Variants in PAQR3 observed in about 807,000 individuals in gnomAD.
The protein encoded by PAQR3 is progestin and adipoQ receptor family member 3.
PAQR3 carries 39 observed loss-of-function variants against 41.7 expected under a neutral mutation model. The ratio of observed to expected loss-of-function variants is 0.93; its 90% CI spans 0.72 to 1.22. The LOEUF (loss-of-function observed/expected upper bound fraction) is 1.22. PAQR3 is among the 50% of genes most tolerant of loss of function. The pLI is 0.00. For missense variants in PAQR3, 366 were observed against 385.6 expected (o/e 0.95, Z 0.42); for synonymous variants, 140 against 140.6 (o/e 1.00, Z 0.03).
At chr4:78,927,829 T>G (rs888010218) in intron 3 of PAQR3, among the ~76,000 whole-genome samples, 1 of 152,228 alleles carries the variant, frequency 6.6e-6, no homozygotes, top group African/African-American at 2.4e-5. Context: ...AGGACTTCTT[T>G]GGGGCTATTA....
At chr4:78,929,714 T>C (rs982227679) in intron 3 of PAQR3, among the ~76,000 whole-genome samples, 2 of 152,190 alleles carry the variant, frequency 1.3e-5, no homozygotes, top group Non-Finnish European at 2.9e-5. Flanking sequence ...CAGAAGAATA[T>C]GGGCTAATAA....
rs1734648590 is a variant in PAQR3, at chr4:78,911,951, G to C, written c.*8588C>G. On this transcript the variant is annotated 3_prime_UTR_variant, in exon 6 of 6. Transcript: ENST00000512733. Reference sequence around the variant, plus strand: ...CCCTTTACAGAACTTGTGGTGCAAAGCATCACTCCACATCAGTCCCAACAG... The same window carrying C: ...CCCTTTACAGAACTTGTGGTGCAAACCATCACTCCACATCAGTCCCAACAG... 5.6e-6 allele frequency: 9 copies of C among 1,613,878 alleles called. No homozygotes were observed. Among genetic ancestry groups the C allele is most frequent in the African/African-American group, 1.3e-5 (1 of 74,920 alleles).
rs769720556 is a variant in PAQR3, at chr4:78,935,269, GATAAA to G, written c.195_199del (p.Leu66Ter). The G allele has an allele frequency of 1.2e-6, 2 of 1,608,652 alleles. No homozygotes were observed. The highest frequency in any genetic ancestry group is 1.7e-6 in the Non-Finnish European group (2 of 1,178,620). On this transcript the variant is annotated frameshift_variant, in exon 2 of 6. Transcript: ENST00000512733. LOFTEE classifies it high-confidence loss of function. ...ACTCCAGATGTTTACTGTCTCATTA[GATAAA>G]ATAAACAAACTGGAAAATAAACACA...
rs151205130 is a variant in PAQR3, at chr4:78,914,644, T to C, written c.*5895A>G. 157 of 151,784 alleles carry C rather than the reference T, an allele frequency of 1.0e-3. 1 individual carries two copies. Among genetic ancestry groups the C allele is most frequent in the African/African-American group, 3.7e-3 (154 of 41,418 alleles). 9.4% of individuals were successfully genotyped at this position (151,784 alleles called of 1,614,324 possible). A position where few individuals can be genotyped will look rare whatever the true frequency, so the allele number is the denominator to read the frequency against. ...CCTGGCACACAGCACTCAATAAAAG[T>C]TTGGCTCTATTATGGGATGGTTCAA... On this transcript the variant is annotated 3_prime_UTR_variant, in exon 6 of 6. Transcript: ENST00000512733.
Position 78,912,733 on chromosome 4 carries a change from GATAA to G in PAQR3, c.*7802_*7805del, listed in dbSNP as rs754759195. 2 of 151,974 alleles carry G rather than the reference GATAA, an allele frequency of 1.3e-5. No homozygotes were observed. The highest frequency in any genetic ancestry group is 2.4e-5 in the African/African-American group (1 of 41,352). The allele number at this position is 151,974 out of a possible 1,614,324, so 9.4% of individuals were successfully genotyped here. A position where few individuals can be genotyped will look rare whatever the true frequency, so the allele number is the denominator to read the frequency against. On this transcript the variant is annotated 3_prime_UTR_variant, in exon 6 of 6. Transcript: ENST00000512733. ...CATATTCCAAAACAATGTTATACAT[GATAA>G]ATATATATAATTTTTGTCAGTTAAA...
downstream of PAQR3, among the ~76,000 whole-genome samples, chr4:78,907,588 A>C (rs557602506): frequency 1.3e-5 from 2 of 152,326 alleles, no homozygotes; most frequent in East Asian, 3.9e-4. Context: ...CAGGCATTAC[A>C]TGTAAATAAA....
At chr4:78,924,094 C>A (rs186099290) in intron 4 of PAQR3, 147 bp from the exon 5 acceptor site, 1 of 655,782 alleles carries the variant, frequency 1.5e-6, no homozygotes, top group African/African-American at 1.8e-5. Flanking sequence ...TCCTCACATG[C>A]AGGAAGCAGC....
Position 78,919,102 on chromosome 4 carries a change from C to T in PAQR3, c.*1437G>A, listed in dbSNP as rs1460413359. The T allele has an allele frequency of 1.0e-6, 1 of 984,958 alleles. No individual in the cohort carries two copies. Among genetic ancestry groups the T allele is most frequent in the Non-Finnish European group, 1.2e-6 (1 of 829,662 alleles). The allele number at this position is 984,958 out of a possible 1,614,324, so 61.0% of individuals were successfully genotyped here. A position where few individuals can be genotyped will look rare whatever the true frequency, so the allele number is the denominator to read the frequency against. On this transcript the variant is annotated 3_prime_UTR_variant, in exon 6 of 6. Transcript: ENST00000512733. ...AAAACACTACACTGGAAAAGAAACA[C>T]AACATTTTACTGATGTATTAACTGA...
chr4:78,918,576 C>T lies in PAQR3; in HGVS notation c.*1963G>A, dbSNP rs1407750802. On this transcript the variant is annotated 3_prime_UTR_variant, in exon 6 of 6. Transcript: ENST00000512733. ...TTTTCCCTACAGAAAGACCTGTACA[C>T]CCTTTAAATTCAAAGAAACACGGAT... The T allele has an allele frequency of 1.0e-6, 1 of 974,526 alleles. No homozygotes were observed. 60.4% of individuals were successfully genotyped at this position (974,526 alleles called of 1,614,324 possible).
Position 78,930,150 on chromosome 4 carries a change from A to T in PAQR3, c.504+20T>A. ...AGACCAATATGAAAGGTCGAATGTA[A>T]AATGTTTTCATCTACTTACGTTATT... On this transcript the variant is annotated intron_variant, in intron 3 of 5. Coordinates refer to ENST00000512733, the MANE Select transcript of PAQR3 (RefSeq NM_001040202.2). 1 of 1,586,772 alleles carries T rather than the reference A, an allele frequency of 6.3e-7. No individual in the cohort carries two copies. Among genetic ancestry groups the T allele is most frequent in the Non-Finnish European group, 8.6e-7 (1 of 1,169,234 alleles).
In PAQR3 at chr4:78,914,068, A is replaced by AT. The variant is rs1734842375; in HGVS notation, c.*6470_*6471insA. 6.6e-6 allele frequency: 1 copy of AT among 150,518 alleles called. No homozygotes were observed. Among genetic ancestry groups the AT allele is most frequent in the Admixed American group, 6.6e-5 (1 of 15,144 alleles). 9.3% of individuals were successfully genotyped at this position (150,518 alleles called of 1,614,324 possible). On this transcript the variant is annotated 3_prime_UTR_variant, in exon 6 of 6. Coordinates refer to ENST00000512733, the MANE Select transcript of PAQR3 (RefSeq NM_001040202.2). ...GAACTACAGTAGGTTTGTATCAAAC[A>AT]ATTTTTTTTAATGAAAATCTGTTGA...
At chr4:78,889,247 A>G (rs1733292391) in intron 11 of PAQR3, among the ~76,000 whole-genome samples, 1 of 149,162 alleles carries the variant, frequency 6.7e-6, no homozygotes, top group African/African-American at 2.5e-5. Context: ...AAAAAAGCCC[A>G]TTAATATAAA....
chr4:78,926,021 T>A (rs1043277022), intron 4 of PAQR3, among the ~76,000 whole-genome samples: 157 of 152,318 alleles, frequency 1.0e-3, no homozygotes, highest in African/African-American at 3.7e-3. Flanking sequence ...CAAATCTTTA[T>A]TGCCAGTCTC....
In PAQR3 at chr4:78,913,046, G is replaced by A. The variant is rs1440770331; in HGVS notation, c.*7493C>T. On this transcript the variant is annotated 3_prime_UTR_variant, in exon 6 of 6. Coordinates refer to ENST00000512733, the MANE Select transcript of PAQR3 (RefSeq NM_001040202.2). ...ACTGAATTTTCAAGACATTTACAATGTGAAATCATGTTGCATTTAACAATG... is the reference window on the plus strand; with the variant it reads ...ACTGAATTTTCAAGACATTTACAATATGAAATCATGTTGCATTTAACAATG... The A allele has an allele frequency of 6.6e-6, 1 of 152,192 alleles. No homozygotes were observed. The highest frequency in any genetic ancestry group is 2.4e-5 in the African/African-American group (1 of 41,446). The allele number at this position is 152,192 out of a possible 1,614,324, so 9.4% of individuals were successfully genotyped here. A position where few individuals can be genotyped will look rare whatever the true frequency, so the allele number is the denominator to read the frequency against.
At chr4:78,904,052 A>G (rs1291525920) in intron 11 of PAQR3, among the ~76,000 whole-genome samples, 1 of 152,008 alleles carries the variant, frequency 6.6e-6, no homozygotes, top group African/African-American at 2.4e-5. Flanking sequence ...CTTTCAAGAT[A>G]TAATTGGAAT....
chr4:78,920,490 C>T lies in PAQR3; in HGVS notation c.*49G>A, dbSNP rs778899051. On this transcript the variant is annotated 3_prime_UTR_variant, in exon 6 of 6. Coordinates refer to ENST00000512733, the MANE Select transcript of PAQR3 (RefSeq NM_001040202.2). ...TAGAAATAGTGGGGTATACAATTCC[C>T]CATTATATATTGCTTAACAACTGAA... The T allele has an allele frequency of 5.8e-6, 9 of 1,562,736 alleles. No individual in the cohort carries two copies. The highest frequency in any genetic ancestry group is 3.7e-5 in the Admixed American group (2 of 54,232).
intron 1 of PAQR3, among the ~76,000 whole-genome samples, chr4:78,938,077 G>C (rs1737619536): frequency 6.6e-6 from 1 of 152,198 alleles, no homozygotes; most frequent in South Asian, 2.1e-4. Context: ...CAGGACAAAA[G>C]GAAAGAAGGG....
intron 3 of PAQR3, 115 bp downstream of exon 3, chr4:78,930,055 C>A: frequency 1.0e-6 from 1 of 1,001,058 alleles, no homozygotes. Flanking sequence ...ATACGAGACT[C>A]TTCTATTTAG....
At chr4:78,922,375 C>A in intron 5 of PAQR3, 1 of 1,288,666 alleles carries the variant, frequency 7.8e-7, no homozygotes, top group Non-Finnish European at 1.0e-6. Context: ...TCCCAACACA[C>A]GTGACGAGTG....
Sources: gnomAD v4.1 joint callset for allele counts (sites outside exome capture counted in the v4.1 genomes callset) on GRCh38, gnomAD v4.1.1 for gene constraint, MANE v1.5 for transcripts, NCBI Gene and HGNC (gene_info 2026-07-23, HGNC 2026-07-21) for gene names.